ST18: variants seen among roughly 807,000 people sequenced by gnomAD.
ST18 encodes the protein suppression of tumorigenicity 18 protein.
A neutral mutation model predicts 110.0 loss-of-function variants in ST18; 50 were observed. The ratio of observed to expected loss-of-function variants is 0.45; its 90% CI spans 0.36 to 0.58. ST18 has a LOEUF of 0.58. ST18 is among the 20% of genes least tolerant of loss of function. The pLI is 0.00. For missense variants in ST18, 1,306 were observed against 1,280.1 expected (o/e 1.02, Z -0.31); for synonymous variants, 461 against 452.4 (o/e 1.02, Z -0.24).
chr8:52,179,746 T>C (rs1304431081), intron 9 of ST18, among the ~76,000 whole-genome samples: 1 of 152,140 alleles, frequency 6.6e-6, no homozygotes, highest in Non-Finnish European at 1.5e-5. Context: ...TGCAAAGGTG[T>C]CTTAAAGTTT....
chr8:52,316,181 A>G (rs1289713450), intron 2 of ST18, among the ~76,000 whole-genome samples: 1 of 152,256 alleles, frequency 6.6e-6, no homozygotes, highest in African/African-American at 2.4e-5. Context: ...ACCAATGTTT[A>G]TTAAGTTATC....
chr8:52,318,981 G>T (rs2096076731), intron 2 of ST18, among the ~76,000 whole-genome samples: 1 of 152,062 alleles, frequency 6.6e-6, no homozygotes, highest in African/African-American at 2.4e-5. Flanking sequence ...TGGATGCTGG[G>T]CTTAATACCT....
chr8:52,137,519 G>A lies in ST18; in HGVS notation c.2169-36C>T, dbSNP rs375737080. ...AGAAAATACATCATTAGAGTCAAGC[G>A]CATTTCCCAGGTTCATTTCCTCTGC... On this transcript the variant is annotated intron_variant, in intron 17 of 25. Transcript: ENST00000689386. 92 of 1,606,780 alleles carry A rather than the reference G, an allele frequency of 5.7e-5. No individual in the cohort carries two copies. The Middle Eastern group carries it at 6.6e-4, about 12-fold the overall frequency.
At chr8:52,150,302 A>T (rs1245620204) in intron 15 of ST18, among the ~76,000 whole-genome samples, 1 of 152,126 alleles carries the variant, frequency 6.6e-6, no homozygotes, top group Non-Finnish European at 1.5e-5. Flanking sequence ...GTATATATAT[A>T]CACATACACA....
chr8:52,333,256 T>C (rs1214845589), intron 2 of ST18, among the ~76,000 whole-genome samples: 1 of 151,188 alleles, frequency 6.6e-6, no homozygotes, highest in African/African-American at 2.4e-5. Context: ...GTTTCTTCTA[T>C]AACTAATCAT....
At chr8:52,355,852 A>G (rs1822485338) in intron 2 of ST18, among the ~76,000 whole-genome samples, 1 of 152,184 alleles carries the variant, frequency 6.6e-6, no homozygotes, top group African/African-American at 2.4e-5. Context: ...CTCCCTGCAC[A>G]AATGGAACAG....
intron 2 of ST18, among the ~76,000 whole-genome samples, chr8:52,289,709 A>G (rs1232294705): frequency 6.6e-6 from 1 of 151,966 alleles, no homozygotes; most frequent in African/African-American, 2.4e-5. Flanking sequence ...ACAGATGATC[A>G]CCTTCTGTCA....
rs145091471 is a variant in ST18, at chr8:52,392,334, T to C, written c.-465+16994A>G. On this transcript the variant is annotated intron_variant, in intron 2 of 25. Transcript: ENST00000689386. Reference sequence around the variant, plus strand: ...GTGGTGGTGGTGTTGGTGGTAGTAGTGGTGGTGAGGATGGTGATAAAGCAG... The same window carrying C: ...GTGGTGGTGGTGTTGGTGGTAGTAGCGGTGGTGAGGATGGTGATAAAGCAG... Among the ~76,000 whole-genome samples the C allele has an allele frequency of 9.1e-3, 1,383 of 151,826 alleles. 16 individuals carry two copies. Among genetic ancestry groups the C allele is most frequent in the African/African-American group, 0.031 (1,299 of 41,390 alleles).
intron 2 of ST18, among the ~76,000 whole-genome samples, chr8:52,391,148 G>GT (rs1839190643): frequency 6.6e-6 from 1 of 152,200 alleles, no homozygotes; most frequent in Non-Finnish European, 1.5e-5. Flanking sequence ...GTCCTACCAG[G>GT]TGTCAGCGCC....
chr8:52,400,693 A>C (rs1423058660), intron 2 of ST18, among the ~76,000 whole-genome samples: 1 of 151,820 alleles, frequency 6.6e-6, no homozygotes, highest in Non-Finnish European at 1.5e-5. Context: ...ACATAAAAAT[A>C]CTCTAGACTT....
chr8:52,128,441 G>A (rs1261397525), intron 22 of ST18, among the ~76,000 whole-genome samples: 1 of 152,112 alleles, frequency 6.6e-6, no homozygotes, highest in African/African-American at 2.4e-5. Flanking sequence ...TGATTTTAAA[G>A]CTACAAACAT....
At chr8:52,153,965 T>C (rs1202513522) in intron 15 of ST18, among the ~76,000 whole-genome samples, 1 of 152,226 alleles carries the variant, frequency 6.6e-6, no homozygotes, top group African/African-American at 2.4e-5. Flanking sequence ...CTGATAATCA[T>C]AATAATTTGA....
chr8:52,115,129 C>T (rs1346986070), intron 25 of ST18, among the ~76,000 whole-genome samples: 4 of 152,102 alleles, frequency 2.6e-5, no homozygotes, highest in Admixed American at 1.3e-4. Context: ...TATTTGGAAT[C>T]GGTTAAGATA....
At chr8:52,202,545 A>G (rs2078375224) in intron 8 of ST18, among the ~76,000 whole-genome samples, 2 of 152,242 alleles carry the variant, frequency 1.3e-5, no homozygotes, top group Non-Finnish European at 1.5e-5. Flanking sequence ...CAAAACAGCT[A>G]CAATTCAAAG....
intron 2 of ST18, among the ~76,000 whole-genome samples, chr8:52,363,964 T>C (rs1012709234): frequency 1.3e-5 from 2 of 152,188 alleles, no homozygotes; most frequent in African/African-American, 2.4e-5. Context: ...AATGGCTCAA[T>C]CAAAGCATGG....
chr8:52,222,718 T>G (rs1240396722), intron 3 of ST18, among the ~76,000 whole-genome samples: 5 of 152,358 alleles, frequency 3.3e-5, no homozygotes, highest in Middle Eastern at 6.8e-3. Flanking sequence ...AGTCCCTGCA[T>G]GTGCACTATC....
intron 13 of ST18, 79 bp downstream of exon 13, chr8:52,163,907 G>T: frequency 9.0e-7 from 1 of 1,117,158 alleles, no homozygotes; most frequent in South Asian, 1.4e-5. Context: ...ACAGAGAACT[G>T]ACTCATGAAG....
intron 2 of ST18, among the ~76,000 whole-genome samples, chr8:52,298,973 T>C (rs1427850010): frequency 6.6e-6 from 1 of 152,216 alleles, no homozygotes; most frequent in South Asian, 2.1e-4. Flanking sequence ...TGAATTTGTA[T>C]TACTGCGTGT....
chr8:52,286,052 C>G (rs1320655971), intron 2 of ST18, among the ~76,000 whole-genome samples: 16 of 152,196 alleles, frequency 1.1e-4, no homozygotes, highest in Admixed American at 1.0e-3. Flanking sequence ...AAAAATCTTT[C>G]TGCTATTTTC....
Sources: gnomAD v4.1 joint callset for allele counts (sites outside exome capture counted in the v4.1 genomes callset) on GRCh38, gnomAD v4.1.1 for gene constraint, MANE v1.5 for transcripts, NCBI Gene and HGNC (gene_info 2026-07-23, HGNC 2026-07-21) for gene names.